The following CASZ1 variants were observed in gnomAD, a reference collection of about 807,000 sequenced individuals.
CASZ1 encodes castor zinc finger 1, also known as zinc finger protein castor homolog 1.
In CASZ1, 28 loss-of-function variants were observed where a neutral mutation model predicts 135.2. That is an observed-to-expected ratio of 0.21 (90% confidence interval 0.15 to 0.28). CASZ1 has a LOEUF of 0.28. Ranked by LOEUF, CASZ1 falls within the 10% of genes least tolerant of loss-of-function variation. The pLI is 1.00. For synonymous variants in CASZ1, 1,068 were observed against 1,073.4 expected, an observed-to-expected ratio of 0.99 and a Z score of 0.10; for missense variants, 2,161 against 2,453.3, an observed-to-expected ratio of 0.88 and a Z score of 2.52.
In CASZ1 at chr1:10,639,501, G is replaced by T. The variant is rs749828128; in HGVS notation, c.4721C>A (p.Thr1574Asn). 1 of 1,611,712 alleles carries T rather than the reference G, an allele frequency of 6.2e-7. No homozygotes were observed. Among genetic ancestry groups the T allele is most frequent in the Non-Finnish European group, 8.5e-7 (1 of 1,179,530 alleles). ...CACCGTGTGGCGGCAGCCCGGGAAGGTGCAGTGGAAGTGCGAGCACTTGAG... is the reference window on the plus strand; with the variant it reads ...CACCGTGTGGCGGCAGCCCGGGAAGTTGCAGTGGAAGTGCGAGCACTTGAG... ...YKLKCSHFHC[T>N]FPGCRHTVVG... Residue 1574 changes from threonine (T) to asparagine (N), a missense_variant, in exon 21 of 21, where the codon ACC becomes AAC. By Grantham distance (65) the Thr-to-Asn change is moderately conservative (BLOSUM62 0). Around this residue, in one of 7 missense-constraint regions of CASZ1, gnomAD observed 240 missense variants for 321.4 expected, o/e 0.75. Transcript: ENST00000377022. The surrounding 1 kb of genome is among the most constrained non-coding windows in gnomAD (Gnocchi z 4.0).
chr1:10,677,461 G>A (rs971061097), intron 4 of CASZ1, among the ~76,000 whole-genome samples: 2 of 152,230 alleles, frequency 1.3e-5, no homozygotes, highest in African/African-American at 4.8e-5. Flanking sequence ...TAGAACCTGT[G>A]TGTGGGGCAT....
chr1:10,718,449 G>A lies in CASZ1; in HGVS notation c.-76-12905C>T, dbSNP rs376576865. On this transcript the variant is annotated intron_variant, in intron 2 of 20. Coordinates refer to ENST00000377022, the MANE Select transcript of CASZ1 (RefSeq NM_001079843.3). ...TTGGCATTTAACAGATATAGCTGCC[G>A]CAGGACTCCCCCAGACTCCATAAAA... 6.5e-4 allele frequency among the ~76,000 whole-genome samples: 99 copies of A among 152,340 alleles called. 1 individual carries two copies. The highest frequency in any genetic ancestry group is 2.1e-3 in the African/African-American group (89 of 41,576).
intron 1 of CASZ1, among the ~76,000 whole-genome samples, chr1:10,785,520 G>A (rs1480110650): frequency 6.6e-6 from 1 of 152,106 alleles, no homozygotes; most frequent in Non-Finnish European, 1.5e-5. Context: ...CCCCTCCAGT[G>A]CCCCCCGCTT....
intron 1 of CASZ1, among the ~76,000 whole-genome samples, chr1:10,779,673 G>T (rs1445539247): frequency 1.3e-5 from 2 of 152,178 alleles, no homozygotes; most frequent in African/African-American, 4.8e-5. Flanking sequence ...GAAGCATTTG[G>T]ATTTTTATAT....
rs76914300 is a variant in CASZ1, at chr1:10,659,393, C to T, written c.1340+309G>A. On this transcript the variant is annotated intron_variant, in intron 6 of 20. Transcript: ENST00000377022. Reference sequence around the variant, plus strand: ...GCACACTTGTGCCTGGGAGTGTGGGCGTGTGTGGGTGGCGTGTGTGGGGGG... The same window carrying T: ...GCACACTTGTGCCTGGGAGTGTGGGTGTGTGTGGGTGGCGTGTGTGGGGGG... Among the ~76,000 whole-genome samples the T allele has an allele frequency of 5.0e-3, 759 of 152,054 alleles. 8 individuals are homozygous for T. The highest frequency in any genetic ancestry group is 0.017 in the African/African-American group (703 of 41,410).
intron 20 of CASZ1, 41 bp from the exon 21 acceptor site, chr1:10,640,100 C>T: frequency 6.4e-7 from 1 of 1,566,644 alleles, no homozygotes. Context: ...GAGGGACCCA[C>T]GTGGGCACCA....
chr1:10,717,182 C>G lies in CASZ1; in HGVS notation c.-76-11638G>C, dbSNP rs1639410020. Among the ~76,000 whole-genome samples the G allele has an allele frequency of 6.6e-6, 1 of 152,128 alleles. No homozygotes were observed. The highest frequency in any genetic ancestry group is 1.5e-5 in the Non-Finnish European group (1 of 68,026). Reference sequence around the variant, plus strand: ...AATCAAAATCATTATAGTATTTTTACCTAATGACAGAAAAATCTACGAACG... The same window carrying G: ...AATCAAAATCATTATAGTATTTTTAGCTAATGACAGAAAAATCTACGAACG... On this transcript the variant is annotated intron_variant, in intron 2 of 20. Transcript: ENST00000377022. This position sits in a 1 kb window ranked among gnomAD's most constrained non-coding sequence, Gnocchi z 4.6.
At chr1:10,661,130 G>T (rs114579327) in intron 5 of CASZ1, 3 of 156,866 alleles carry the variant, frequency 1.9e-5, no homozygotes, top group African/African-American at 7.2e-5. Flanking sequence ...CACCTTCCCA[G>T]GTGCTGAGGG....
chr1:10,774,814 T>C lies in CASZ1; in HGVS notation c.-233-13957A>G, dbSNP rs1475719865. ...AGTTCCCTGCAACCCACAAGCACAG[T>C]CCTGACACTCAGAGCTCCCGCGGTC... On this transcript the variant is annotated intron_variant, in intron 1 of 20. Transcript: ENST00000377022. The surrounding 1 kb of genome is among the most constrained non-coding windows in gnomAD (Gnocchi z 4.4). Among the ~76,000 whole-genome samples the C allele has an allele frequency of 2.0e-5, 3 of 152,024 alleles. No homozygotes were observed. Among genetic ancestry groups the C allele is most frequent in the Admixed American group, 1.3e-4 (2 of 15,262 alleles).
In CASZ1 at chr1:10,700,187, G is replaced by A. The variant is rs567862488; in HGVS notation, c.-24+5305C>T. Reference sequence around the variant, plus strand: ...CTGGCCCAGCCTGTGGCCCCAGCCCGGGCGGGGACCTGTTCTGGAATGTTG... The same window carrying A: ...CTGGCCCAGCCTGTGGCCCCAGCCCAGGCGGGGACCTGTTCTGGAATGTTG... On this transcript the variant is annotated intron_variant, in intron 3 of 20. Coordinates refer to ENST00000377022, the MANE Select transcript of CASZ1 (RefSeq NM_001079843.3). The surrounding 1 kb of genome is among the most constrained non-coding windows in gnomAD (Gnocchi z 4.2). Among the ~76,000 whole-genome samples the A allele has an allele frequency of 2.0e-4, 30 of 152,214 alleles. No individual in the cohort carries two copies. The highest frequency in any genetic ancestry group is 6.0e-4 in the African/African-American group (25 of 41,526).
Position 10,639,917 on chromosome 1 carries a change from C to T in CASZ1, c.4305G>A (p.Arg1435=). ...LDEGMMLEGF[R]RFDLYEDCKD... is the part of the protein sequence containing the mutation. ...TGCAGTCCTCGTAAAGGTCGAAGCG[C>T]CGGAAGCCCTCCAGCATCATGCCCT... is the stretch of plus-strand genomic sequence containing the variant. The change falls in exon 21 of 21, where the codon CGG becomes CGA. Residue 1435 remains arginine, a synonymous_variant. Coordinates refer to ENST00000377022, the MANE Select transcript of CASZ1 (RefSeq NM_001079843.3). This position sits in a 1 kb window ranked among gnomAD's most constrained non-coding sequence, Gnocchi z 4.0. The T allele has an allele frequency of 1.2e-6, 2 of 1,612,940 alleles. No individual in the cohort carries two copies. Among genetic ancestry groups the T allele is most frequent in the Non-Finnish European group, 1.7e-6 (2 of 1,180,010 alleles).
chr1:10,729,667 C>G (rs1465204609), intron 2 of CASZ1, among the ~76,000 whole-genome samples: 5 of 152,222 alleles, frequency 3.3e-5, no homozygotes. Context: ...GTGCCCTATT[C>G]AACGTGGGGA....
rs1796630 is a variant in CASZ1 at position 10,651,221 on chromosome 1, C to T, written c.2681-145G>A. ...CGCTTCTCCCGCTGACGTGATCGCT[C>T]GCGACGCTCGCTCCTGTGTGGCAAT... On this transcript the variant is annotated intron_variant, in intron 11 of 20. Transcript: ENST00000377022. 107,269 of 509,298 alleles carry T rather than the reference C, an allele frequency of 0.21. 13,469 individuals are homozygous for T. The highest frequency in any genetic ancestry group is 0.45 in the African/African-American group (22,651 of 50,022). 31.5% of individuals were successfully genotyped at this position (509,298 alleles called of 1,614,324 possible). A position where few individuals can be genotyped will look rare whatever the true frequency, so the allele number is the denominator to read the frequency against.
intron 1 of CASZ1, among the ~76,000 whole-genome samples, chr1:10,790,822 C>T (rs1640943599): frequency 6.6e-6 from 1 of 151,580 alleles, no homozygotes. Context: ...TATAAATGTA[C>T]TTAATGTATG....
intron 20 of CASZ1, among the ~76,000 whole-genome samples, chr1:10,640,589 G>C (rs1289604607): frequency 2.6e-5 from 4 of 152,218 alleles, no homozygotes; most frequent in Non-Finnish European, 5.9e-5. Flanking sequence ...CCAGGGCTGT[G>C]CGGGGCTGCA....
rs745348428 is a variant in CASZ1 at position 10,656,667 on chromosome 1, A to G, written c.1479T>C (p.Leu493=). Residue 493 remains leucine, a synonymous_variant, in exon 8 of 21, where the codon CTT becomes CTC. Transcript: ENST00000377022. ...AYQYREHYHC[L]DPECNYQRFT... ...GTACCTGGTAGTTACACTCAGGGTC[A>G]AGGCAGTGGTAGTGCTCGCGGTACT... is the stretch of plus-strand genomic sequence containing the variant. The G allele has an allele frequency of 5.0e-6, 8 of 1,601,878 alleles. No individual in the cohort carries two copies. The highest frequency in any genetic ancestry group is 2.7e-5 in the African/African-American group (2 of 74,840).
Position 10,639,866 on chromosome 1 carries a change from G to A in CASZ1, c.4356C>T (p.Leu1452=). ...DCKDAACQFS[L]KVTHYHCTRE... ...GCGTGCAGTGGTAGTGGGTGACCTT[G>A]AGCGAGAACTGACAAGCTGCGTCCT... Residue 1452 remains leucine, a synonymous_variant, in exon 21 of 21, where the codon CTC becomes CTT. Coordinates refer to ENST00000377022, the MANE Select transcript of CASZ1 (RefSeq NM_001079843.3). The surrounding 1 kb of genome is among the most constrained non-coding windows in gnomAD (Gnocchi z 4.0). The A allele has an allele frequency of 6.2e-7, 1 of 1,612,234 alleles. No homozygotes were observed. The highest frequency in any genetic ancestry group is 2.2e-5 in the East Asian group (1 of 44,858).
intron 7 of CASZ1, among the ~76,000 whole-genome samples, 190 bp from the exon 8 acceptor site, chr1:10,656,926 C>A (rs1557474984): frequency 6.6e-6 from 1 of 152,106 alleles, no homozygotes. Context: ...GAGGCCTGGC[C>A]CCAAGAAAGG....
intron 4 of CASZ1, among the ~76,000 whole-genome samples, chr1:10,687,983 C>T (rs1638646715): frequency 6.6e-6 from 1 of 152,202 alleles, no homozygotes; most frequent in Non-Finnish European, 1.5e-5. Context: ...TCCTTCTGCC[C>T]CCACTAAGAA....
Sources: gnomAD v4.1 joint callset for allele counts (sites outside exome capture counted in the v4.1 genomes callset) on GRCh38, gnomAD v4.1.1 for gene constraint, gnomAD v4.1.1 regional missense constraint, Gnocchi (gnomAD v3.1) non-coding constraint, MANE v1.5 for transcripts, NCBI Gene and HGNC (gene_info 2026-07-23, HGNC 2026-07-21) for gene names.